The following PLPP4 variants were observed in gnomAD, a reference collection of about 807,000 sequenced individuals.
PLPP4 encodes the protein phospholipid phosphatase 4, also known as diacylglycerol pyrophosphate like 2.
Under a neutral mutation model 32.2 loss-of-function variants are expected in PLPP4, and 20 were observed. The observed-to-expected ratio is 0.62, with a 90% CI of 0.44 to 0.90. The LOEUF is 0.90. Ranked by LOEUF, PLPP4 falls within the 40% of genes least tolerant of loss-of-function variation. The pLI is 0.00. For missense variants in PLPP4, 257 were observed against 353.1 expected (o/e 0.73, Z 2.18); for synonymous variants, 127 against 133.0 (o/e 0.95, Z 0.31).
At chr10:120,574,949 T>TA (rs151046750) in intron 5 of PLPP4, among the ~76,000 whole-genome samples, 182 bp from the exon 6 acceptor site, 7,319 of 152,288 alleles carry the variant, frequency 0.048, 217 homozygotes, top group Admixed American at 0.096. Flanking sequence ...AGATTATTCT[T>TA]ATGGTTGAAA....
intron 1 of PLPP4, among the ~76,000 whole-genome samples, chr10:120,498,148 A>G (rs1054286006): frequency 6.6e-6 from 1 of 152,248 alleles, no homozygotes; most frequent in African/African-American, 2.4e-5. Context: ...AGTTAAAATT[A>G]TCATTAAAGA....
chr10:120,529,203 C>T (rs376367858), intron 5 of PLPP4, among the ~76,000 whole-genome samples: 1 of 147,742 alleles, frequency 6.8e-6, no homozygotes, highest in Non-Finnish European at 1.5e-5. Flanking sequence ...TGTGTGTGTG[C>T]GTGCATGTGT....
At chr10:120,481,916 T>C (rs1278501137) in intron 1 of PLPP4, among the ~76,000 whole-genome samples, 2 of 152,202 alleles carry the variant, frequency 1.3e-5, no homozygotes, top group Non-Finnish European at 2.9e-5. Context: ...TCACAAGATC[T>C]GATGGTTCTA....
At chr10:120,510,743 C>T (rs1845692704) in intron 2 of PLPP4, among the ~76,000 whole-genome samples, 2 of 152,150 alleles carry the variant, frequency 1.3e-5, no homozygotes, top group African/African-American at 2.4e-5. Flanking sequence ...AAGTTCACCT[C>T]TTAATTCCAA....
At chr10:120,581,015 G>A (rs1564856019) in intron 6 of PLPP4, 1 of 1,289,174 alleles carries the variant, frequency 7.8e-7, no homozygotes, top group Non-Finnish European at 1.0e-6. Context: ...CCTCTGTGTT[G>A]GTGCCTAGGA....
At chr10:120,566,331 A>G (rs1589894245) in intron 5 of PLPP4, among the ~76,000 whole-genome samples, 2 of 152,110 alleles carry the variant, frequency 1.3e-5, no homozygotes, top group East Asian at 1.9e-4. Context: ...TATTTTGCCA[A>G]TTGCCTGACA....
intron 1 of PLPP4, among the ~76,000 whole-genome samples, chr10:120,458,404 A>T (rs1226535004): frequency 1.3e-5 from 2 of 152,146 alleles, no homozygotes; most frequent in African/African-American, 4.8e-5. Context: ...GTTTCTGGAA[A>T]AGCCCTCCCG....
At chr10:120,535,989 G>A (rs1171000533) in intron 5 of PLPP4, among the ~76,000 whole-genome samples, 2 of 152,120 alleles carry the variant, frequency 1.3e-5, no homozygotes, top group Non-Finnish European at 1.5e-5. Flanking sequence ...TGTGTCCTTT[G>A]TAATGGACAT....
chr10:120,527,100 C>G (rs1243038247), intron 5 of PLPP4, among the ~76,000 whole-genome samples: 1 of 142,600 alleles, frequency 7.0e-6, no homozygotes, highest in Non-Finnish European at 1.6e-5. Context: ...ACCTATCTGT[C>G]TATTTGTCTG....
At chr10:120,578,241 A>C (rs995215729) in intron 6 of PLPP4, among the ~76,000 whole-genome samples, 2 of 152,226 alleles carry the variant, frequency 1.3e-5, no homozygotes, top group African/African-American at 4.8e-5. Context: ...GGAGACCTCA[A>C]AGGTTTCCCA....
At chr10:120,457,487 C>T in intron 1 of PLPP4, 126 bp downstream of exon 1, 1 of 719,790 alleles carries the variant, frequency 1.4e-6, no homozygotes, top group Non-Finnish European at 2.2e-6. Flanking sequence ...GTCCCTTCCC[C>T]GCCAAGTGCC....
intron 3 of PLPP4, among the ~76,000 whole-genome samples, chr10:120,517,243 C>T (rs1237595741): frequency 1.3e-5 from 2 of 152,154 alleles, no homozygotes; most frequent in Non-Finnish European, 1.5e-5. Flanking sequence ...AAAACACAGC[C>T]GTGAGCGTGG....
chr10:120,477,003 A>G (rs1453111628), intron 1 of PLPP4, among the ~76,000 whole-genome samples: 1 of 152,172 alleles, frequency 6.6e-6, no homozygotes, highest in East Asian at 1.9e-4. Flanking sequence ...ACTTGTTTAT[A>G]AGAATTATCT....
At chr10:120,511,286 C>A (rs1441197341) in intron 2 of PLPP4, among the ~76,000 whole-genome samples, 5 of 152,168 alleles carry the variant, frequency 3.3e-5, no homozygotes, top group African/African-American at 4.8e-5. Flanking sequence ...AGCCTGCACA[C>A]CTGGCCTTGA....
intron 5 of PLPP4, among the ~76,000 whole-genome samples, chr10:120,547,536 CAA>C (rs1243298642): frequency 6.6e-6 from 1 of 152,194 alleles, no homozygotes; most frequent in Non-Finnish European, 1.5e-5. Context: ...CTGCATTCAT[CAA>C]AGTGTTGCTT....
At chr10:120,519,465 C>T (rs1007765314) in intron 4 of PLPP4, among the ~76,000 whole-genome samples, 1 of 151,518 alleles carries the variant, frequency 6.6e-6, no homozygotes, top group African/African-American at 2.4e-5. Flanking sequence ...ACTAGATCCC[C>T]TCTCAGAACG....
intron 5 of PLPP4, among the ~76,000 whole-genome samples, chr10:120,543,861 C>T (rs1265478888): frequency 4.6e-5 from 7 of 152,182 alleles, no homozygotes; most frequent in East Asian, 3.9e-4. Context: ...GGAATCATAC[C>T]GTATTCGTCT....
At chr10:120,496,117 T>G (rs1415672843) in intron 1 of PLPP4, among the ~76,000 whole-genome samples, 1 of 152,230 alleles carries the variant, frequency 6.6e-6, no homozygotes, top group Non-Finnish European at 1.5e-5. Context: ...ATGAAGTCTG[T>G]CATCCTAGTA....
At chr10:120,478,978 G>A (rs1349840840) in intron 1 of PLPP4, among the ~76,000 whole-genome samples, 2 of 152,230 alleles carry the variant, frequency 1.3e-5, no homozygotes, top group Non-Finnish European at 2.9e-5. Flanking sequence ...TGTAATCCCA[G>A]CACTTTGGGA....
Sources: allele counts gnomAD v4.1 joint callset (sites outside exome capture counted in the v4.1 genomes callset), GRCh38; gene constraint gnomAD v4.1.1; transcripts MANE v1.5; gene names NCBI Gene and HGNC (gene_info 2026-07-23, HGNC 2026-07-21).